SCARB1: variants seen among roughly 807,000 people sequenced by gnomAD.
SCARB1 encodes scavenger receptor class B member 1.
SCARB1 carries 30 observed loss-of-function variants against 57.2 expected under a neutral mutation model. That is an observed-to-expected ratio of 0.52 (90% CI 0.39 to 0.71). SCARB1 has a LOEUF of 0.71. Among genes scored for constraint, SCARB1 ranks in the 30% least tolerant of loss-of-function variants. The pLI is 0.00. For missense variants in SCARB1, 543 were observed against 671.2 expected, an observed-to-expected ratio of 0.81 and a Z score of 2.11; for synonymous variants, 249 against 268.3, an observed-to-expected ratio of 0.93 and a Z score of 0.70.
At chr12:124,833,483 T>C (rs938593951) in intron 1 of SCARB1, among the ~76,000 whole-genome samples, 50 of 152,054 alleles carry the variant, frequency 3.3e-4, no homozygotes, top group African/African-American at 1.2e-3. Context: ...CCATCATGCC[T>C]GGTGTAAGAT....
intron 1 of SCARB1, among the ~76,000 whole-genome samples, chr12:124,862,947 G>C (rs985872578): frequency 6.6e-6 from 1 of 152,234 alleles, no homozygotes; most frequent in Non-Finnish European, 1.5e-5. Context: ...GCCTCTGCAT[G>C]AATCTGGGGA....
At chr12:124,846,471 C>G (rs912004847) in intron 1 of SCARB1, among the ~76,000 whole-genome samples, 2 of 152,078 alleles carry the variant, frequency 1.3e-5, no homozygotes, top group Non-Finnish European at 2.9e-5. Context: ...GATGAACTGG[C>G]CGGGCGTGGT....
intron 1 of SCARB1, among the ~76,000 whole-genome samples, chr12:124,858,650 C>T (rs964711068): frequency 6.6e-6 from 1 of 151,590 alleles, no homozygotes; most frequent in Non-Finnish European, 1.5e-5. Context: ...GAGGCCGAGA[C>T]GGGCGGATCA....
intron 5 of SCARB1, among the ~76,000 whole-genome samples, chr12:124,811,065 C>T (rs548335892): frequency 6.6e-6 from 1 of 152,332 alleles, no homozygotes; most frequent in East Asian, 1.9e-4. Flanking sequence ...AGTTGCAAAA[C>T]AATGCACGTA....
chr12:124,825,496 C>A (rs1951121737), intron 1 of SCARB1, among the ~76,000 whole-genome samples: 1 of 152,060 alleles, frequency 6.6e-6, no homozygotes, highest in African/African-American at 2.4e-5. Context: ...CATGGTGCAA[C>A]CCCGTCTCTA....
At chr12:124,786,765 C>G (rs1442225127) in intron 10 of SCARB1, among the ~76,000 whole-genome samples, 3 of 152,236 alleles carry the variant, frequency 2.0e-5, no homozygotes, top group African/African-American at 7.2e-5. Flanking sequence ...CCTCACGTGA[C>G]TCTCCATCTC....
rs559461223 is a variant in SCARB1 at position 124,790,719 on chromosome 12, G to A, written c.1203-3262C>T. Among the ~76,000 whole-genome samples, 5 of 152,346 alleles carry A rather than the reference G, an allele frequency of 3.3e-5. No homozygotes were observed. In the East Asian group the frequency reaches 5.8e-4, roughly 18 times the overall value. On this transcript the variant is annotated intron_variant, in intron 9 of 12. Transcript: ENST00000261693. Reference sequence around the variant, plus strand: ...CCCCACACAGACCCCCCCACAACAGGTGTCTAGCAGAAAAGGCAGTGTGGC... The same window carrying A: ...CCCCACACAGACCCCCCCACAACAGATGTCTAGCAGAAAAGGCAGTGTGGC...
At chr12:124,847,449 G>A (rs1036735528) in intron 1 of SCARB1, among the ~76,000 whole-genome samples, 1 of 152,204 alleles carries the variant, frequency 6.6e-6, no homozygotes, top group Non-Finnish European at 1.5e-5. Context: ...AGTGGCTGCC[G>A]GGAGGCCCAG....
chr12:124,815,098 T>C lies in SCARB1; in HGVS notation c.301A>G (p.Ser101Gly). The stretch of plus-strand genomic sequence containing the variant: ...TCGTTGTTGTTGAAGGTGATGTTGC[T>C]TTTGTGCCTGAACTCCCTGTGGGGG... ...PYVYREFRHK[S>G]NITFNNNDTV... Residue 101 changes from serine (S) to glycine (G), a missense_variant, in exon 3 of 13, where the codon AGC becomes GGC. Physicochemically the swap from Ser to Gly is moderately conservative, Grantham distance 56. Coordinates refer to ENST00000261693, the MANE Select transcript of SCARB1 (RefSeq NM_005505.5). The C allele has an allele frequency of 1.2e-6, 2 of 1,613,804 alleles. No individual in the cohort carries two copies. Among genetic ancestry groups the C allele is most frequent in the Non-Finnish European group, 1.7e-6 (2 of 1,180,018 alleles).
Position 124,812,067 on chromosome 12 carries a change from G to A in SCARB1, c.631-102C>T, listed in dbSNP as rs2135666444. 1.2e-6 allele frequency: 1 copy of A among 864,140 alleles called. No homozygotes were observed. The highest frequency in any genetic ancestry group is 2.0e-5 in the Admixed American group (1 of 49,884). The allele number at this position is 864,140 out of a possible 1,614,324, so 53.5% of individuals were successfully genotyped here. A position where few individuals can be genotyped will look rare whatever the true frequency, so the allele number is the denominator to read the frequency against. ...GAGCCCTCCTCCCCCTCCACCAGAA[G>A]GACAGGGCCCCCAGCATCTGGTTCA... On this transcript the variant is annotated intron_variant, in intron 4 of 12. Transcript: ENST00000261693. This position sits in a 1 kb window ranked among gnomAD's most constrained non-coding sequence, Gnocchi z 4.3.
At chr12:124,821,331 T>G in intron 1 of SCARB1, 1 of 976,624 alleles carries the variant, frequency 1.0e-6, no homozygotes, top group Non-Finnish European at 1.2e-6. Context: ...ACCTGGTTTC[T>G]CAGCAGAGGC....
intron 1 of SCARB1, among the ~76,000 whole-genome samples, chr12:124,828,137 T>A (rs900566451): frequency 4.6e-5 from 7 of 151,992 alleles, no homozygotes; most frequent in African/African-American, 1.5e-4. Flanking sequence ...TTTTTTTTTT[T>A]AAATACACAG....
At chr12:124,830,149 A>T (rs1951329174) in intron 1 of SCARB1, among the ~76,000 whole-genome samples, 3 of 152,212 alleles carry the variant, frequency 2.0e-5, no homozygotes, top group Non-Finnish European at 4.4e-5. Flanking sequence ...TCACAGTGAG[A>T]TCCCATGCCA....
chr12:124,783,049 C>T (rs1357942781), intron 11 of SCARB1: 3 of 498,880 alleles, frequency 6.0e-6, no homozygotes, highest in Non-Finnish European at 1.1e-5. Context: ...GAAAAGGGCT[C>T]GTCCACTTGA....
Position 124,851,853 on chromosome 12 carries a change from C to G in SCARB1, c.126+11742G>C, listed in dbSNP as rs1332260384. On this transcript the variant is annotated intron_variant, in intron 1 of 12. Coordinates refer to ENST00000261693, the MANE Select transcript of SCARB1 (RefSeq NM_005505.5). ...AACTCCTGACTTCAAGTGATCCACCCACCTCAGCCTCCTAAAGTGCCGGGA... is the reference window on the plus strand; with the variant it reads ...AACTCCTGACTTCAAGTGATCCACCGACCTCAGCCTCCTAAAGTGCCGGGA... Among the ~76,000 whole-genome samples, 4 of 152,174 alleles carry G rather than the reference C, an allele frequency of 2.6e-5. No homozygotes were observed. The East Asian group carries it at 7.7e-4, about 29-fold the overall frequency.
chr12:124,848,312 G>C (rs902342809), intron 1 of SCARB1, among the ~76,000 whole-genome samples: 1 of 152,166 alleles, frequency 6.6e-6, no homozygotes, highest in Non-Finnish European at 1.5e-5. Flanking sequence ...TCAATCTCTT[G>C]ACCTTGTGAT....
Position 124,817,551 on chromosome 12 carries a change from T to C in SCARB1, c.283A>G (p.Arg95Gly), listed in dbSNP as rs1478460073. 6.2e-7 allele frequency: 1 copy of C among 1,613,644 alleles called. No individual in the cohort carries two copies. The highest frequency in any genetic ancestry group is 1.3e-5 in the African/African-American group (1 of 74,892). ...ACCCTCACCTGGACACAGCCTCACCTGTACACGTAGGGCCCGCGCTCCCGC... is the reference window on the plus strand; with the variant it reads ...ACCCTCACCTGGACACAGCCTCACCCGTACACGTAGGGCCCGCGCTCCCGC... ...QVRERGPYVY[R>G]EFRHKSNITF... Residue 95 changes from arginine to glycine, a missense_variant and splice_region_variant, in exon 2 of 13, where the codon AGG (arginine) becomes GGG (glycine). Arg to Gly is a moderately radical substitution (Grantham distance 125, BLOSUM62 -2). Coordinates refer to ENST00000261693, the MANE Select transcript of SCARB1 (RefSeq NM_005505.5). This position sits in a 1 kb window ranked among gnomAD's most constrained non-coding sequence, Gnocchi z 4.8.
In SCARB1 at chr12:124,789,731, G is replaced by A. The variant is rs1378510584; in HGVS notation, c.1203-2274C>T. On this transcript the variant is annotated intron_variant, in intron 9 of 12. Transcript: ENST00000261693. The surrounding 1 kb of genome is among the most constrained non-coding windows in gnomAD (Gnocchi z 4.4). ...GAAAAATTAATTTTTAAAAAGAGGG[G>A]CTGGGGCGTGGTGGCTCACGCCTGT... Among the ~76,000 whole-genome samples the A allele has an allele frequency of 1.3e-5, 2 of 152,256 alleles. No homozygotes were observed. The highest frequency in any genetic ancestry group is 2.9e-5 in the Non-Finnish European group (2 of 68,044).
chr12:124,860,943 T>C (rs1276171976), intron 1 of SCARB1, among the ~76,000 whole-genome samples: 1 of 152,198 alleles, frequency 6.6e-6, no homozygotes, highest in Admixed American at 6.5e-5. Flanking sequence ...TAGTTCAAGT[T>C]ATGTAAAATA....
Sources: gnomAD v4.1 joint callset for allele counts (sites outside exome capture counted in the v4.1 genomes callset) on GRCh38, gnomAD v4.1.1 for gene constraint, Gnocchi (gnomAD v3.1) non-coding constraint, MANE v1.5 for transcripts, NCBI Gene and HGNC (gene_info 2026-07-23, HGNC 2026-07-21) for gene names.